SPIDR: variants seen among roughly 807,000 people sequenced by gnomAD.
The protein encoded by SPIDR is scaffold protein involved in DNA repair.
SPIDR carries 93 observed loss-of-function variants against 104.6 expected under a neutral mutation model. The observed-to-expected ratio is 0.89, with a 90% CI of 0.75 to 1.06. The LOEUF (loss-of-function observed/expected upper bound fraction) is 1.06, where lower values mean the gene tolerates loss of function less well. SPIDR is among the 50% of genes least tolerant of loss of function. The pLI, the probability that SPIDR is intolerant of heterozygous loss-of-function variation, is 0.00. For synonymous variants in SPIDR, 431 were observed against 416.9 expected (o/e 1.03, Z -0.41); for missense variants, 1,154 against 1,111.2 (o/e 1.04, Z -0.55).
At chr8:47,514,029 GAGAGTGCTGC>G (rs1200084986) in intron 8 of SPIDR, among the ~76,000 whole-genome samples, 1 of 152,158 alleles carries the variant, frequency 6.6e-6, no homozygotes, top group African/African-American at 2.4e-5. Flanking sequence ...TTGCATTCAG[GAGAGTGCTGC>G]AGAAAAAGGT....
Position 47,420,558 on chromosome 8 carries a change from C to G in SPIDR, c.877+12597C>G, listed in dbSNP as rs536701050. On this transcript the variant is annotated intron_variant, in intron 7 of 19. Coordinates refer to ENST00000297423, the MANE Select transcript of SPIDR (RefSeq NM_001080394.4). ...AATGCAGCACACTGATGGGTCTTGACTCTTTATCCAATTTGCCAGTCTGTG... is the reference window on the plus strand; with the variant it reads ...AATGCAGCACACTGATGGGTCTTGAGTCTTTATCCAATTTGCCAGTCTGTG... Among the ~76,000 whole-genome samples, 259 of 152,316 alleles carry G rather than the reference C, an allele frequency of 1.7e-3. 2 individuals carry two copies. The highest frequency in any genetic ancestry group is 4.9e-3 in the African/African-American group (204 of 41,574).
intron 11 of SPIDR, among the ~76,000 whole-genome samples, chr8:47,689,039 T>G (rs1386940391): frequency 3.3e-5 from 5 of 152,230 alleles, no homozygotes; most frequent in Non-Finnish European, 5.9e-5. Flanking sequence ...TTTTGGGGTG[T>G]TGAGCTTTAT....
chr8:47,424,746 T>G (rs1243275195), intron 7 of SPIDR, among the ~76,000 whole-genome samples: 3 of 152,230 alleles, frequency 2.0e-5, no homozygotes, highest in Admixed American at 6.5e-5. Flanking sequence ...TGAAATTTTT[T>G]GGGGGAAAGG....
intron 10 of SPIDR, among the ~76,000 whole-genome samples, chr8:47,646,110 C>T (rs374445004): frequency 3.0e-4 from 45 of 152,250 alleles, no homozygotes; most frequent in African/African-American, 1.1e-3. Context: ...GTAGGGAAGA[C>T]TGACAACTCA....
In SPIDR at chr8:47,599,147, AG is replaced by A. The variant is rs1323460153; in HGVS notation, c.1499del (p.Gly500ValfsTer53). On this transcript the variant is annotated frameshift_variant, in exon 10 of 20. Transcript: ENST00000297423. LOFTEE classifies it high-confidence loss of function. ...VYSLPSRDST[R>X]GQQGASSGHT... The stretch of plus-strand genomic sequence containing the variant: ...TTCTCTTCCCAGCAGAGACAGCACC[AG>A]GGGTCAGCAGGGGGCCAGCTCAGGA... 6.2e-7 allele frequency: 1 copy of A among 1,613,632 alleles called. No individual in the cohort carries two copies. Among genetic ancestry groups the A allele is most frequent in the Admixed American group, 1.7e-5 (1 of 59,932 alleles).
At chr8:47,729,846 G>C (rs1408752251) in intron 19 of SPIDR, 2 of 182,966 alleles carry the variant, frequency 1.1e-5, no homozygotes, top group Non-Finnish European at 2.3e-5. Context: ...ACCCTCCCGA[G>C]TAGCTGAGAC....
chr8:47,592,580 T>A (rs1162532679), intron 8 of SPIDR: 13 of 1,270,926 alleles, frequency 1.0e-5, no homozygotes, highest in Non-Finnish European at 4.5e-6. Context: ...CTGGGTTTCC[T>A]TGATGATCCT....
intron 5 of SPIDR, among the ~76,000 whole-genome samples, chr8:47,345,857 T>C (rs188829665): frequency 6.6e-6 from 1 of 152,274 alleles, no homozygotes; most frequent in Non-Finnish European, 1.5e-5. Context: ...TTTAAGGAGA[T>C]TTGGGGTTGA....
intron 8 of SPIDR, among the ~76,000 whole-genome samples, chr8:47,481,090 A>G (rs2076851499): frequency 6.6e-6 from 1 of 152,226 alleles, no homozygotes; most frequent in African/African-American, 2.4e-5. Context: ...CAGCACAGGA[A>G]TCACCGCTCT....
intron 16 of SPIDR, among the ~76,000 whole-genome samples, chr8:47,714,830 G>A (rs1420162172): frequency 6.6e-6 from 1 of 152,146 alleles, no homozygotes; most frequent in Non-Finnish European, 1.5e-5. Context: ...GATCTCTCGT[G>A]TTTTTGCAAT....
intron 5 of SPIDR, among the ~76,000 whole-genome samples, chr8:47,313,492 G>A (rs1456905617): frequency 6.6e-6 from 1 of 152,144 alleles, no homozygotes; most frequent in Non-Finnish European, 1.5e-5. Flanking sequence ...ACTGCCCAAG[G>A]TAATTTATAG....
At chr8:47,641,047 A>G (rs955119071) in intron 10 of SPIDR, among the ~76,000 whole-genome samples, 1 of 151,008 alleles carries the variant, frequency 6.6e-6, no homozygotes, top group African/African-American at 2.4e-5. Context: ...TTTTAATTAG[A>G]TGCTGAAAAA....
chr8:47,312,217 T>A (rs1194177260), intron 5 of SPIDR, among the ~76,000 whole-genome samples: 2 of 152,200 alleles, frequency 1.3e-5, no homozygotes, highest in Non-Finnish European at 2.9e-5. Context: ...TGATTTATAG[T>A]CCTTTGGGTA....
chr8:47,419,658 T>A (rs543980661), intron 7 of SPIDR, among the ~76,000 whole-genome samples: 1 of 152,336 alleles, frequency 6.6e-6, no homozygotes, highest in Admixed American at 6.5e-5. Flanking sequence ...TGCCTTCTGC[T>A]AGCTGTTGAG....
intron 5 of SPIDR, among the ~76,000 whole-genome samples, chr8:47,348,759 A>T (rs1554620186): frequency 6.6e-6 from 1 of 152,132 alleles, no homozygotes; most frequent in African/African-American, 2.4e-5. Flanking sequence ...AAGCTTGTGC[A>T]TGCGTCACGT....
intron 5 of SPIDR, among the ~76,000 whole-genome samples, chr8:47,391,927 C>T (rs1343394551): frequency 6.9e-6 from 1 of 144,500 alleles, no homozygotes; most frequent in South Asian, 2.2e-4. Flanking sequence ...ACCTGGGAGG[C>T]GGAGCTTGCA....
rs570920737 is a variant in SPIDR, at chr8:47,598,928, T to G, written c.1294-18T>G. ...CTTTGTGAGTCTTGAAACTGTTCCC[T>G]TTATGTGTCTTGGCCAGGTTGTGTG... On this transcript the variant is annotated intron_variant, in intron 9 of 19. Transcript: ENST00000297423. 4.3e-5 allele frequency: 69 copies of G among 1,613,348 alleles called. No homozygotes were observed. The South Asian group carries it at 7.1e-4, about 17-fold the overall frequency.
intron 8 of SPIDR, among the ~76,000 whole-genome samples, chr8:47,570,341 G>T (rs559619547): frequency 6.6e-6 from 1 of 152,318 alleles, no homozygotes; most frequent in East Asian, 1.9e-4. Context: ...CACAGATGGT[G>T]CTGGGACTAC....
intron 16 of SPIDR, 89 bp downstream of exon 16, chr8:47,713,730 G>A: frequency 1.3e-6 from 2 of 1,525,134 alleles, no homozygotes; most frequent in Non-Finnish European, 1.8e-6. Context: ...ACAAGTATTT[G>A]TGGAGCACCC....
Sources: gnomAD v4.1 joint callset for allele counts (sites outside exome capture counted in the v4.1 genomes callset) on GRCh38, gnomAD v4.1.1 for gene constraint, MANE v1.5 for transcripts, NCBI Gene and HGNC (gene_info 2026-07-23, HGNC 2026-07-21) for gene names.